The following PABPC4 variants were observed in gnomAD, a reference collection of about 807,000 sequenced individuals.
PABPC4 encodes poly(A) binding protein cytoplasmic 4, also known as polyadenylate-binding protein 4.
PABPC4 carries 15 observed loss-of-function variants against 74.5 expected under a neutral mutation model. The ratio of observed to expected loss-of-function variants is 0.20; its 90% CI spans 0.13 to 0.31. The LOEUF (loss-of-function observed/expected upper bound fraction) is 0.31, where lower values mean the gene tolerates loss of function less well. Ranked by LOEUF, PABPC4 falls within the 10% of genes least tolerant of loss-of-function variation. The pLI is 1.00. For missense variants in PABPC4, 610 were observed against 853.5 expected (o/e 0.71, Z 3.55); for synonymous variants, 345 against 303.0 (o/e 1.14, Z -1.44).
intron 14 of PABPC4, 23 bp downstream of exon 14, chr1:39,562,050 G>A: frequency 2.5e-6 from 4 of 1,608,028 alleles, no homozygotes; most frequent in African/African-American, 1.3e-5. Context: ...AACTGAAGCT[G>A]CAGGGTCTGA....
rs1465735340 is a variant in PABPC4, at chr1:39,564,792, C to T, written c.1246-19G>A. On this transcript the variant is annotated intron_variant, in intron 8 of 15. Transcript: ENST00000372858. ...CCTGAGCCTGTAAGACAGAAGAATACCCAAACACCCCCTTAAGGACTGAAC... is the reference window on the plus strand; with the variant it reads ...CCTGAGCCTGTAAGACAGAAGAATATCCAAACACCCCCTTAAGGACTGAAC... The T allele has an allele frequency of 3.8e-6, 6 of 1,576,300 alleles. No individual in the cohort carries two copies. Among genetic ancestry groups the T allele is most frequent in the Non-Finnish European group, 5.2e-6 (6 of 1,145,838 alleles).
intron 6 of PABPC4, 64 bp from the exon 7 acceptor site, chr1:39,567,910 T>TCC (rs946398720): frequency 1.1e-6 from 1 of 943,028 alleles, no homozygotes; most frequent in African/African-American, 1.6e-5. Flanking sequence ...AGAAAGTGGT[T>TCC]CCCCAAGGGT....
chr1:39,564,788 A>C lies in PABPC4; in HGVS notation c.1246-15T>G. 1 of 1,600,816 alleles carries C rather than the reference A, an allele frequency of 6.2e-7. No homozygotes were observed. The highest frequency in any genetic ancestry group is 1.1e-5 in the South Asian group (1 of 90,824). On this transcript the variant is annotated splice_polypyrimidine_tract_variant and intron_variant, in intron 8 of 15. Transcript: ENST00000372858. ...CTTCCCTGAGCCTGTAAGACAGAAG[A>C]ATACCCAAACACCCCCTTAAGGACT...
rs1646023054 is a variant in PABPC4 at position 39,576,135 on chromosome 1, C to T, written c.-184G>A. ...CGGAAACGGGAGGCGGGGGCCGGCT[C>T]CCACGGCCGCAGCACCGCAGACAAA... is the stretch of plus-strand genomic sequence containing the variant. On this transcript the variant is annotated 5_prime_UTR_variant, in exon 1 of 16. Transcript: ENST00000372858. 1 of 515,428 alleles carries T rather than the reference C, an allele frequency of 1.9e-6. No homozygotes were observed. The highest frequency in any genetic ancestry group is 3.8e-5 in the Admixed American group (1 of 26,424). The allele number at this position is 515,428 out of a possible 1,614,324, so 31.9% of individuals were successfully genotyped here.
At position 39,568,845 on chromosome 1, in the gene PABPC4, C is replaced by T. The variant is rs749537752; in HGVS notation, c.833G>A (p.Arg278Gln). ...KKVERQAELK[R>Q]KFEQLKQERI... Reference sequence around the variant, plus strand: ...CTCCTGTTTCAACTGTTCAAATTTCCGTTTTAACTCTGCCTGCCGTTCTAC... The same window carrying T: ...CTCCTGTTTCAACTGTTCAAATTTCTGTTTTAACTCTGCCTGCCGTTCTAC... The change falls in exon 6 of 16, where the codon CGG becomes CAG. Residue 278 changes from arginine to glutamine, a missense_variant. Arg to Gln is a conservative substitution (Grantham distance 43). Coordinates refer to ENST00000372858, the MANE Select transcript of PABPC4 (RefSeq NM_001135653.2). 9.3e-6 allele frequency: 15 copies of T among 1,613,924 alleles called. No homozygotes were observed. Among genetic ancestry groups the T allele is most frequent in the African/African-American group, 1.3e-5 (1 of 74,904 alleles).
chr1:39,571,424 G>C (rs1481703315), intron 2 of PABPC4, 75 bp from the exon 3 acceptor site: 1 of 1,568,744 alleles, frequency 6.4e-7, no homozygotes, highest in African/African-American at 1.3e-5. Context: ...GGTATCTTGT[G>C]CCTGAGGAGA....
chr1:39,572,099 C>T (rs1645950425), intron 2 of PABPC4, among the ~76,000 whole-genome samples: 1 of 152,172 alleles, frequency 6.6e-6, no homozygotes, highest in South Asian at 2.1e-4. Context: ...AGACTAGAGA[C>T]ACTTCTCTGG....
At chr1:39,566,933 G>A (rs562012057) in intron 7 of PABPC4, among the ~76,000 whole-genome samples, 51 of 152,290 alleles carry the variant, frequency 3.3e-4, no homozygotes, top group Admixed American at 2.7e-3. Flanking sequence ...TTCCCAGGTT[G>A]GGAGCAAAGT....
intron 7 of PABPC4, among the ~76,000 whole-genome samples, chr1:39,565,855 A>C (rs1645830436): frequency 6.6e-6 from 1 of 151,994 alleles, no homozygotes; most frequent in African/African-American, 2.4e-5. Context: ...AAACAAAACA[A>C]AACAAAACAA....
Position 39,563,882 on chromosome 1 carries a change from C to G in PABPC4, c.1494G>C (p.Gly498=), listed in dbSNP as rs755698024. The G allele has an allele frequency of 8.1e-6, 13 of 1,614,192 alleles. No homozygotes were observed. Among genetic ancestry groups the G allele is most frequent in the Middle Eastern group, 1.6e-4 (1 of 6,062 alleles). Residue 498 remains glycine, a synonymous_variant, in exon 11 of 16, where the codon GGG becomes GGC. Coordinates refer to ENST00000372858, the MANE Select transcript of PABPC4 (RefSeq NM_001135653.2). The part of the protein sequence containing the change: ...CPDRLAMDFG[G]AGAAQQGLTD... ...TCAGCCCTTGCTGGGCGGCACCAGC[C>G]CCACCAAAGTCCATAGCCAAGCGGT...
rs768094359 is a variant in PABPC4, at chr1:39,575,934, G to A, written c.18C>T (p.Ser6=). 8.2e-6 allele frequency: 13 copies of A among 1,593,036 alleles called. No homozygotes were observed. The highest frequency in any genetic ancestry group is 1.4e-5 in the African/African-American group (1 of 73,614). Residue 6 remains serine, a synonymous_variant, in exon 1 of 16, where the codon AGC becomes AGT. Coordinates refer to ENST00000372858, the MANE Select transcript of PABPC4 (RefSeq NM_001135653.2). Reference sequence around the variant, plus strand: ...CGTACAGGGAGGCCATGGGGTAGCTGCTGGCCGCAGCGTTCATCTCCCCGC... The same window carrying A: ...CGTACAGGGAGGCCATGGGGTAGCTACTGGCCGCAGCGTTCATCTCCCCGC... MNAAA[S]SYPMASLYVG...
At position 39,565,095 on chromosome 1, in the gene PABPC4, A is replaced by G; in HGVS notation, c.1245+11T>C. 1 of 1,612,920 alleles carries G rather than the reference A, an allele frequency of 6.2e-7. No homozygotes were observed. Among genetic ancestry groups the G allele is most frequent in the Non-Finnish European group, 8.5e-7 (1 of 1,179,586 alleles). On this transcript the variant is annotated intron_variant, in intron 8 of 15. Coordinates refer to ENST00000372858, the MANE Select transcript of PABPC4 (RefSeq NM_001135653.2). The stretch of plus-strand genomic sequence containing the variant: ...AGGTTCCCAAGAGCTGTGACCAAAC[A>G]GCACACCCACCTGTGGGACTGCTGG...
At position 39,564,642 on chromosome 1, in the gene PABPC4, ACAGGTATATC is replaced by A. The variant is rs753812382; in HGVS notation, c.1333+34_1333+43del. 8 of 1,609,004 alleles carry A rather than the reference ACAGGTATATC, an allele frequency of 5.0e-6. No homozygotes were observed. The South Asian group carries it at 8.8e-5, about 18-fold the overall frequency. On this transcript the variant is annotated intron_variant, in intron 9 of 15. Transcript: ENST00000372858. ...AGAAGGAAAGGCAGGGGAGACCAGG[ACAGGTATATC>A]CTGGGCTGTCAATTACTGTTCCCCA...
chr1:39,569,488 T>C (rs1645904344), intron 5 of PABPC4, 107 bp downstream of exon 5: 1 of 772,728 alleles, frequency 1.3e-6, no homozygotes, highest in Admixed American at 1.9e-5. Context: ...GTACATCTAC[T>C]ACCAGATACT....
At chr1:39,564,305 G>A in intron 10 of PABPC4, 118 bp downstream of exon 10, 1 of 1,238,124 alleles carries the variant, frequency 8.1e-7, no homozygotes, top group Non-Finnish European at 1.1e-6. Flanking sequence ...ACACAGCTAA[G>A]ATTACAGAAC....
intron 5 of PABPC4, 73 bp downstream of exon 5, chr1:39,569,522 G>T: frequency 9.8e-7 from 1 of 1,022,746 alleles, no homozygotes; most frequent in East Asian, 2.4e-5. Flanking sequence ...CTCTAGGTAG[G>T]TGCTAGCAAG....
chr1:39,564,825 A>G (rs1286275779), intron 8 of PABPC4, 52 bp from the exon 9 acceptor site: 5 of 1,374,330 alleles, frequency 3.6e-6, no homozygotes, highest in Non-Finnish European at 5.2e-6. Context: ...AACCCATCCT[A>G]GAGAAGTATC....
intron 7 of PABPC4, among the ~76,000 whole-genome samples, chr1:39,567,052 G>A (rs567186438): frequency 6.6e-6 from 1 of 152,212 alleles, no homozygotes; most frequent in Non-Finnish European, 1.5e-5. Context: ...AGCAAGACCG[G>A]CGTCTGCATC....
Position 39,565,450 on chromosome 1 carries a change from C to T in PABPC4, c.973-72G>A, listed in dbSNP as rs1645822088. 13 of 1,501,952 alleles carry T rather than the reference C, an allele frequency of 8.7e-6. No homozygotes were observed. The South Asian group carries it at 1.1e-4, about 13-fold the overall frequency. The allele number at this position is 1,501,952 out of a possible 1,614,324, so 93.0% of individuals were successfully genotyped here. On this transcript the variant is annotated intron_variant, in intron 7 of 15. Transcript: ENST00000372858. ...GGTGTGATGGCTTGTGCCTGTAATCCCAGCACTTTGGAAGGCTGAGGTGGG... is the reference window on the plus strand; with the variant it reads ...GGTGTGATGGCTTGTGCCTGTAATCTCAGCACTTTGGAAGGCTGAGGTGGG...
Sources: allele counts gnomAD v4.1 joint callset (sites outside exome capture counted in the v4.1 genomes callset), GRCh38; gene constraint gnomAD v4.1.1; transcripts MANE v1.5; gene names NCBI Gene and HGNC (gene_info 2026-07-23, HGNC 2026-07-21).